ATF7IP2: variants seen among roughly 807,000 people sequenced by gnomAD.
ATF7IP2 encodes activating transcription factor 7-interacting protein 2.
In ATF7IP2, 42 loss-of-function variants were observed where a neutral mutation model predicts 64.2. The observed-to-expected ratio is 0.65, with a 90% confidence interval of 0.51 to 0.85. The LOEUF is 0.85. Ranked by LOEUF, ATF7IP2 falls within the 40% of genes least tolerant of loss-of-function variation. The pLI is 0.00. For missense variants in ATF7IP2, 933 were observed against 784.2 expected, an observed-to-expected ratio of 1.19 and a Z score of -2.27; for synonymous variants, 308 against 272.8, an observed-to-expected ratio of 1.13 and a Z score of -1.27.
intron 1 of ATF7IP2, among the ~76,000 whole-genome samples, chr16:10,411,353 T>TG (rs2047754797): frequency 4.1e-5 from 5 of 121,270 alleles, no homozygotes; most frequent in African/African-American, 1.4e-4. Context: ...GCCTTTTTGT[T>TG]TTTTTTTTTT....
At chr16:10,479,958 CTTTTTTTTTTTTTTTT>C (rs201158427) in intron 12 of ATF7IP2, among the ~76,000 whole-genome samples, 14 of 80,586 alleles carry the variant, frequency 1.7e-4, no homozygotes, top group East Asian at 3.8e-4. Context: ...ACTGGAAATA[CTTTTTTTTTTTTTTTT>C]TTTTTTTTTT....
intron 1 of ATF7IP2, among the ~76,000 whole-genome samples, chr16:10,405,319 G>T (rs1171815032): frequency 6.6e-6 from 1 of 151,606 alleles, no homozygotes; most frequent in Non-Finnish European, 1.5e-5. Context: ...GCAGTGAGCC[G>T]AGATCATACC....
intron 9 of ATF7IP2, among the ~76,000 whole-genome samples, chr16:10,466,578 A>G (rs780542707): frequency 6.6e-6 from 1 of 152,158 alleles, no homozygotes. Flanking sequence ...ATAGCATCAC[A>G]TTGTGGTTTT....
At chr16:10,389,311 C>A (rs1158544677) in intron 1 of ATF7IP2, among the ~76,000 whole-genome samples, 1 of 152,098 alleles carries the variant, frequency 6.6e-6, no homozygotes, top group African/African-American at 2.4e-5. Flanking sequence ...ACTGAAAATA[C>A]GATGAGCTGT....
chr16:10,433,859 G>T (rs1348347702), intron 6 of ATF7IP2, among the ~76,000 whole-genome samples: 2 of 152,198 alleles, frequency 1.3e-5, no homozygotes, highest in African/African-American at 4.8e-5. Flanking sequence ...GTCTCATGCA[G>T]AATAACCTAG....
At chr16:10,423,770 G>A (rs1212852549) in intron 3 of ATF7IP2, among the ~76,000 whole-genome samples, 2 of 152,108 alleles carry the variant, frequency 1.3e-5, no homozygotes, top group African/African-American at 2.4e-5. Context: ...CTCCTCATCA[G>A]TGTGAAAAGG....
At chr16:10,479,938 G>GTGAT (rs2050153609) in intron 12 of ATF7IP2, among the ~76,000 whole-genome samples, 1 of 134,718 alleles carries the variant, frequency 7.4e-6, no homozygotes, top group East Asian at 2.3e-4. Context: ...TGATTTCTCA[G>GTGAT]TGATTTAGAA....
chr16:10,457,938 C>T (rs989103415), intron 9 of ATF7IP2, among the ~76,000 whole-genome samples: 2 of 152,212 alleles, frequency 1.3e-5, no homozygotes, highest in Non-Finnish European at 2.9e-5. Context: ...TCTGGAATTC[C>T]TGGGCTCAGG....
chr16:10,438,347 C>A, intron 7 of ATF7IP2, 112 bp downstream of exon 7: 1 of 1,102,062 alleles, frequency 9.1e-7, no homozygotes, highest in Non-Finnish European at 1.2e-6. Context: ...TGAGCTCAAG[C>A]AATCCTACCA....
chr16:10,396,210 GAAATT>G lies in ATF7IP2; in HGVS notation c.-242+10093_-242+10097del, dbSNP rs955042107. Among the ~76,000 whole-genome samples, 97 of 152,208 alleles carry G rather than the reference GAAATT, an allele frequency of 6.4e-4. 1 individual carries two copies. Among genetic ancestry groups the G allele is most frequent in the African/African-American group, 2.1e-3 (87 of 41,526 alleles). On this transcript the variant is annotated intron_variant, in intron 1 of 13. Coordinates refer to ENST00000562102, the MANE Select transcript of ATF7IP2 (RefSeq NM_001393719.1). The stretch of plus-strand genomic sequence containing the variant: ...CTCTGAAAACTGCAGAATGTTGAGA[GAAATT>G]AAATAAGTAAATAGATAATCCCATG...
intron 1 of ATF7IP2, among the ~76,000 whole-genome samples, chr16:10,390,887 G>T (rs1001713575): frequency 1.1e-4 from 17 of 152,152 alleles, no homozygotes; most frequent in African/African-American, 3.6e-4. Context: ...GGAGGGTAGG[G>T]CATTGTAGCT....
At chr16:10,393,122 C>T (rs1424682635) in intron 1 of ATF7IP2, among the ~76,000 whole-genome samples, 1 of 151,854 alleles carries the variant, frequency 6.6e-6, no homozygotes, top group African/African-American at 2.4e-5. Flanking sequence ...CCAGCCTGGC[C>T]AACATGGTGA....
At chr16:10,426,919 C>T (rs1346377255) in intron 3 of ATF7IP2, among the ~76,000 whole-genome samples, 1 of 148,942 alleles carries the variant, frequency 6.7e-6, no homozygotes, top group Non-Finnish European at 1.5e-5. Context: ...GTGGTGTGAT[C>T]TCGGCTCACT....
intron 8 of ATF7IP2, among the ~76,000 whole-genome samples, chr16:10,443,216 C>T (rs1235432996): frequency 6.6e-6 from 1 of 152,178 alleles, no homozygotes; most frequent in Non-Finnish European, 1.5e-5. Flanking sequence ...GGCTTAAGCT[C>T]ACTGCATCCC....
At chr16:10,440,734 A>G (rs1483565862) in intron 8 of ATF7IP2, among the ~76,000 whole-genome samples, 2 of 152,178 alleles carry the variant, frequency 1.3e-5, no homozygotes, top group Non-Finnish European at 1.5e-5. Context: ...TATCAAATAT[A>G]TACAGCAAAG....
intron 9 of ATF7IP2, among the ~76,000 whole-genome samples, chr16:10,470,110 T>C (rs1430881677): frequency 6.6e-6 from 1 of 152,176 alleles, no homozygotes; most frequent in Non-Finnish European, 1.5e-5. Flanking sequence ...ACAGACATTG[T>C]AAATATGTTG....
chr16:10,483,233 C>A lies in ATF7IP2; in HGVS notation c.*984C>A, dbSNP rs761178910. On this transcript the variant is annotated 3_prime_UTR_variant, in exon 14 of 14. Transcript: ENST00000562102. ...ATAATGTATCTTATGAAAGCATTAC[C>A]CAACCTGTTTGAGTTGAGAATGCAT... is the stretch of plus-strand genomic sequence containing the variant. 2 of 152,080 alleles carry A rather than the reference C, an allele frequency of 1.3e-5. No homozygotes were observed. The highest frequency in any genetic ancestry group is 2.9e-5 in the Non-Finnish European group (2 of 68,020). 9.4% of individuals were successfully genotyped at this position (152,080 alleles called of 1,614,324 possible). A position where few individuals can be genotyped will look rare whatever the true frequency, so the allele number is the denominator to read the frequency against.
At position 10,436,446 on chromosome 16, in the gene ATF7IP2, G is replaced by C. The variant is rs141457448; in HGVS notation, c.961-1655G>C. ...CATTCATTTGCTCACATGTTTAAAA[G>C]TTATGAAAGTAAAAATGACAATCAT... On this transcript the variant is annotated intron_variant, in intron 6 of 13. Coordinates refer to ENST00000562102, the MANE Select transcript of ATF7IP2 (RefSeq NM_001393719.1). 2.6e-3 allele frequency among the ~76,000 whole-genome samples: 393 copies of C among 151,862 alleles called. 1 individual carries two copies. The Middle Eastern group carries it at 0.027, about 11-fold the overall frequency.
At chr16:10,434,549 G>A (rs1230611083) in intron 6 of ATF7IP2, among the ~76,000 whole-genome samples, 1 of 151,868 alleles carries the variant, frequency 6.6e-6, no homozygotes, top group Non-Finnish European at 1.5e-5. Context: ...AAAATAAAGG[G>A]AAAGAGTTAC....
Sources: allele counts gnomAD v4.1 joint callset (sites outside exome capture counted in the v4.1 genomes callset), GRCh38; gene constraint gnomAD v4.1.1; transcripts MANE v1.5; gene names NCBI Gene and HGNC (gene_info 2026-07-23, HGNC 2026-07-21).